Variants in MTA3 observed in about 807,000 individuals in gnomAD.
MTA3 encodes the protein metastasis associated 1 family member 3.
Under a neutral mutation model 83.5 loss-of-function variants are expected in MTA3, and 34 were observed. That is an observed-to-expected ratio of 0.41 (90% CI 0.31 to 0.54). The LOEUF (loss-of-function observed/expected upper bound fraction) is 0.54. Ranked by LOEUF, MTA3 falls within the 20% of genes least tolerant of loss-of-function variation. The pLI is 0.33. For missense variants in MTA3, 761 were observed against 726.4 expected (o/e 1.05, Z -0.55); for synonymous variants, 303 against 252.7 (o/e 1.20, Z -1.89).
At chr2:42,551,358 G>A (rs1572968615) in intron 2 of MTA3, among the ~76,000 whole-genome samples, 1 of 151,444 alleles carries the variant, frequency 6.6e-6, no homozygotes, top group African/African-American at 2.4e-5. Context: ...GCCTGGCTAA[G>A]TTTTATATTT....
chr2:42,600,239 C>T (rs1043391716), intron 3 of MTA3, among the ~76,000 whole-genome samples: 2 of 152,026 alleles, frequency 1.3e-5, no homozygotes, highest in African/African-American at 4.8e-5. Context: ...TTGTGGTTGT[C>T]TGTCTTTTCA....
rs34577240 is a variant in MTA3 at position 42,539,577 on chromosome 2, CT to C, written c.-140-30838del. Among the ~76,000 whole-genome samples, 421 of 96,654 alleles carry C rather than the reference CT, an allele frequency of 4.4e-3. 2 individuals carry two copies. The highest frequency in any genetic ancestry group is 0.012 in the African/African-American group (297 of 24,722). The allele number at this position is 96,654 out of a possible 152,430, so 63.4% of individuals were successfully genotyped here. A position where few individuals can be genotyped will look rare whatever the true frequency, so the allele number is the denominator to read the frequency against. On this transcript the variant is annotated intron_variant, in intron 2 of 17. Transcript: ENST00000405592. ...AGCAAAACCATTATCAATTGTAAAG[CT>C]TTTTTTTTTTTTTTTTTTTTTGAGA...
chr2:42,633,836 C>T (rs1284167052), intron 4 of MTA3, among the ~76,000 whole-genome samples: 1 of 151,580 alleles, frequency 6.6e-6, no homozygotes, highest in Non-Finnish European at 1.5e-5. Context: ...TTGCAGTGAG[C>T]CGAGACCGCG....
At chr2:42,752,100 A>G (rs540129838) in intron 16 of MTA3, 2 of 449,064 alleles carry the variant, frequency 4.5e-6, no homozygotes, top group Admixed American at 2.4e-5. Flanking sequence ...AGGTAGTTAC[A>G]TAACCTACAG....
chr2:42,656,120 T>C, intron 6 of MTA3, 80 bp from the exon 7 acceptor site: 4 of 1,052,658 alleles, frequency 3.8e-6, no homozygotes, highest in South Asian at 1.4e-5. Flanking sequence ...TTTCTAATGC[T>C]ATGGTGACAG....
At chr2:42,549,702 A>G (rs544297973) in intron 2 of MTA3, among the ~76,000 whole-genome samples, 1 of 107,216 alleles carries the variant, frequency 9.3e-6, no homozygotes, top group African/African-American at 3.6e-5. Context: ...TATACATATT[A>G]TATATTATAT....
At chr2:42,592,641 A>G (rs1488935835) in intron 3 of MTA3, among the ~76,000 whole-genome samples, 2 of 152,118 alleles carry the variant, frequency 1.3e-5, no homozygotes, top group African/African-American at 4.8e-5. Flanking sequence ...ACATAAACAT[A>G]TATATTAGCT....
chr2:42,752,163 C>A (rs1669921676), intron 16 of MTA3: 1 of 470,824 alleles, frequency 2.1e-6, no homozygotes, highest in Non-Finnish European at 4.4e-6. Flanking sequence ...TTATCTGGGC[C>A]TTTATTTAAC....
chr2:42,577,423 C>T (rs1679180656), intron 2 of MTA3, among the ~76,000 whole-genome samples: 1 of 151,614 alleles, frequency 6.6e-6, no homozygotes, highest in Admixed American at 6.6e-5. Context: ...GTATAGCATC[C>T]CTATTGGAGG....
intron 3 of MTA3, among the ~76,000 whole-genome samples, chr2:42,594,705 CATATAT>C (rs1167117095): frequency 3.7e-4 from 17 of 46,516 alleles, no homozygotes; most frequent in African/African-American, 1.4e-3. Flanking sequence ...TATAAATATA[CATATAT>C]ATATATATAT....
At chr2:42,497,967 G>A (rs901103518) in intron 2 of MTA3, among the ~76,000 whole-genome samples, 1 of 152,166 alleles carries the variant, frequency 6.6e-6, no homozygotes, top group Non-Finnish European at 1.5e-5. Context: ...GTAAAAAGTT[G>A]TGACCCTTTT....
chr2:42,551,081 A>AATT (rs1677086645), intron 2 of MTA3, among the ~76,000 whole-genome samples: 2 of 151,556 alleles, frequency 1.3e-5, no homozygotes, highest in African/African-American at 2.4e-5. Context: ...ATAAATAAAT[A>AATT]AATAAATTAA....
intron 2 of MTA3, among the ~76,000 whole-genome samples, chr2:42,549,299 T>C (rs1235921740): frequency 7.0e-5 from 9 of 127,702 alleles, no homozygotes; most frequent in South Asian, 2.2e-4. Flanking sequence ...AATGTATATG[T>C]ACACGTATAT....
intron 8 of MTA3, among the ~76,000 whole-genome samples, chr2:42,678,572 G>A (rs1046401286): frequency 1.3e-5 from 2 of 151,988 alleles, no homozygotes; most frequent in African/African-American, 2.4e-5. Flanking sequence ...CAAGTGATCC[G>A]CCTGCATTGG....
chr2:42,533,422 A>G (rs1009127249), intron 2 of MTA3: 3 of 150,970 alleles, frequency 2.0e-5, no homozygotes, highest in African/African-American at 7.3e-5. Flanking sequence ...TAGAGAACAC[A>G]TTTTGGGTGC....
chr2:42,702,013 C>T (rs899133986), intron 11 of MTA3, among the ~76,000 whole-genome samples: 3 of 152,084 alleles, frequency 2.0e-5, no homozygotes, highest in African/African-American at 7.2e-5. Flanking sequence ...GAGTTTGAGA[C>T]CAGCCTGGCC....
At chr2:42,704,463 A>C in intron 12 of MTA3, 145 bp downstream of exon 12, 2 of 906,978 alleles carry the variant, frequency 2.2e-6, no homozygotes, top group Non-Finnish European at 3.3e-6. Flanking sequence ...GCCCCTCCTT[A>C]CCTTCTGCCT....
intron 8 of MTA3, among the ~76,000 whole-genome samples, chr2:42,662,152 T>C (rs1458010383): frequency 2.0e-5 from 3 of 152,140 alleles, no homozygotes; most frequent in Non-Finnish European, 4.4e-5. Context: ...TTTCCAATAT[T>C]CTTGTATATA....
intron 6 of MTA3, among the ~76,000 whole-genome samples, chr2:42,648,553 G>T (rs993377111): frequency 6.6e-6 from 1 of 152,168 alleles, no homozygotes; most frequent in African/African-American, 2.4e-5. Flanking sequence ...CATTTGTCTT[G>T]CTAGGGAATA....
Sources: allele counts gnomAD v4.1 joint callset (sites outside exome capture counted in the v4.1 genomes callset), GRCh38; gene constraint gnomAD v4.1.1; transcripts MANE v1.5; gene names NCBI Gene and HGNC (gene_info 2026-07-23, HGNC 2026-07-21).